The following TOX variants were observed in gnomAD, a reference collection of about 807,000 sequenced individuals.
The protein encoded by TOX is thymocyte selection associated high mobility group box.
Under a neutral mutation model 53.7 loss-of-function variants are expected in TOX, and 11 were observed. That is an observed-to-expected ratio of 0.20 (90% CI 0.13 to 0.34). The LOEUF is 0.34. Among genes scored for constraint, TOX ranks in the 10% least tolerant of loss-of-function variants. The pLI, the probability that TOX is intolerant of heterozygous loss-of-function variation, is 1.00. For missense variants in TOX, 570 were observed against 664.6 expected, an observed-to-expected ratio of 0.86 and a Z score of 1.56; for synonymous variants, 225 against 245.3, an observed-to-expected ratio of 0.92 and a Z score of 0.77.
At chr8:58,980,502 G>A (rs926306640) in intron 1 of TOX, among the ~76,000 whole-genome samples, 3 of 152,040 alleles carry the variant, frequency 2.0e-5, no homozygotes, top group African/African-American at 4.8e-5. Flanking sequence ...TTAAAATCAA[G>A]TACAAACTAA....
At chr8:58,963,483 G>A (rs1812838310) in intron 1 of TOX, among the ~76,000 whole-genome samples, 1 of 152,038 alleles carries the variant, frequency 6.6e-6, no homozygotes, top group Non-Finnish European at 1.5e-5. Flanking sequence ...GTATTTCTGG[G>A]GAGCCTACAA....
chr8:58,851,556 C>T lies in TOX; in HGVS notation c.661G>A (p.Val221Met). Residue 221 changes from valine to methionine, a missense_variant, in exon 4 of 9, where the codon GTG becomes ATG. Val to Met is a conservative substitution (Grantham distance 21). This residue lies in a region of TOX where 282 missense variants were observed against 315.0 expected (regional missense o/e 0.90). Transcript: ENST00000361421. This position sits in a 1 kb window ranked among gnomAD's most constrained non-coding sequence, Gnocchi z 4.4. ...KSATPSPSSS[V>M]HEDEGDDTSK... ...GTATCATCGCCTTCATCTTCATGCA[C>T]TGAACTGGATGGTGAAGGAGTTGCA... The T allele has an allele frequency of 6.2e-7, 1 of 1,613,308 alleles. No homozygotes were observed. Among genetic ancestry groups the T allele is most frequent in the South Asian group, 1.1e-5 (1 of 91,062 alleles).
At chr8:58,927,365 A>C (rs1812181102) in intron 3 of TOX, among the ~76,000 whole-genome samples, 1 of 152,088 alleles carries the variant, frequency 6.6e-6, no homozygotes, top group Non-Finnish European at 1.5e-5. Flanking sequence ...TTCCAATGCA[A>C]ATTTACCAAG....
chr8:58,854,027 C>T (rs1170752886), intron 3 of TOX, among the ~76,000 whole-genome samples: 1 of 152,176 alleles, frequency 6.6e-6, no homozygotes, highest in Admixed American at 6.6e-5. Flanking sequence ...TAATGGCTAC[C>T]TGTAAGTGGA....
chr8:59,001,319 T>C (rs1248577351), intron 1 of TOX, among the ~76,000 whole-genome samples: 2 of 152,204 alleles, frequency 1.3e-5, no homozygotes, highest in Non-Finnish European at 1.5e-5. Context: ...TTTCTCCCAA[T>C]AATTTTGCTG....
At chr8:58,829,888 A>G (rs1810424352) in intron 5 of TOX, among the ~76,000 whole-genome samples, 1 of 152,182 alleles carries the variant, frequency 6.6e-6, no homozygotes, top group East Asian at 1.9e-4. Flanking sequence ...CAAAGCCTCT[A>G]ATGATAGATA....
intron 5 of TOX, among the ~76,000 whole-genome samples, chr8:58,827,689 C>T (rs1215972736): frequency 6.6e-6 from 1 of 152,158 alleles, no homozygotes; most frequent in Non-Finnish European, 1.5e-5. Flanking sequence ...AAAGCAAAAT[C>T]ATCCTAAATT....
intron 1 of TOX, among the ~76,000 whole-genome samples, chr8:58,962,835 C>A (rs1812824897): frequency 1.3e-5 from 2 of 152,244 alleles, no homozygotes; most frequent in Admixed American, 1.3e-4. Flanking sequence ...TGGCAGAAAA[C>A]TGAGAGAGGG....
intron 1 of TOX, among the ~76,000 whole-genome samples, chr8:58,978,623 A>G (rs141619722): frequency 7.2e-5 from 11 of 152,324 alleles, no homozygotes; most frequent in Admixed American, 3.3e-4. Flanking sequence ...ACACAGCAAA[A>G]CTGAGCAAAA....
At chr8:59,102,310 C>A (rs536869803) in intron 1 of TOX, among the ~76,000 whole-genome samples, 1 of 152,138 alleles carries the variant, frequency 6.6e-6, no homozygotes, top group Non-Finnish European at 1.5e-5. Flanking sequence ...TCACTGCAAC[C>A]TCTACCTCCT....
chr8:58,979,377 C>A (rs1004470899), intron 1 of TOX, among the ~76,000 whole-genome samples: 3 of 152,188 alleles, frequency 2.0e-5, no homozygotes, highest in Non-Finnish European at 4.4e-5. Context: ...GGAGAGTAGA[C>A]ACTTGGCAAT....
chr8:59,101,521 T>C (rs1420230632), intron 1 of TOX, among the ~76,000 whole-genome samples: 1 of 152,212 alleles, frequency 6.6e-6, no homozygotes, highest in Non-Finnish European at 1.5e-5. Context: ...TAAATGTACA[T>C]AAACTGCAGA....
intron 1 of TOX, among the ~76,000 whole-genome samples, chr8:59,104,131 G>A (rs141742023): frequency 6.6e-6 from 1 of 152,246 alleles, no homozygotes; most frequent in Admixed American, 6.5e-5. Flanking sequence ...AGTCCTCTCT[G>A]GCACATTGTT....
rs144226655 is a variant in TOX at position 58,966,281 on chromosome 8, T to A, written c.103-6273A>T. 2.4e-4 allele frequency among the ~76,000 whole-genome samples: 36 copies of A among 152,184 alleles called. No homozygotes were observed. In the East Asian group the frequency reaches 7.0e-3, roughly 29 times the overall value. ...AGCACAGCACAACTGCAGAAGTGGA[T>A]CACACTGAAAGGAAAGAGACCAGAC... On this transcript the variant is annotated intron_variant, in intron 1 of 8. Transcript: ENST00000361421.
intron 1 of TOX, among the ~76,000 whole-genome samples, chr8:59,040,325 TCTCAAAA>T (rs1184576648): frequency 2.9e-4 from 20 of 67,926 alleles, no homozygotes; most frequent in African/African-American, 1.0e-3. Flanking sequence ...CGAGACTCCG[TCTCAAAA>T]AAAAAAAAAA....
intron 1 of TOX, among the ~76,000 whole-genome samples, chr8:59,077,979 G>A (rs1168214101): frequency 6.6e-6 from 1 of 152,036 alleles, no homozygotes; most frequent in African/African-American, 2.4e-5. Flanking sequence ...CTGTTCACAG[G>A]GAGAAGATGA....
chr8:59,005,493 ATACATAAAGAGGGATTT>A (rs968755521), intron 1 of TOX, among the ~76,000 whole-genome samples: 31 of 152,324 alleles, frequency 2.0e-4, no homozygotes, highest in Admixed American at 1.8e-3. Flanking sequence ...GGGATTCTAT[ATACATAAAGAGGGATTT>A]TACTTATCAC....
rs754811228 is a variant in TOX at position 59,117,338 on chromosome 8, C to A, written c.102+1548G>T. Among the ~76,000 whole-genome samples, 35 of 152,258 alleles carry A rather than the reference C, an allele frequency of 2.3e-4. No individual in the cohort carries two copies. Among genetic ancestry groups the A allele is most frequent in the Admixed American group, 7.9e-4 (12 of 15,286 alleles). ...AAACTTCATCACACAAACTCCTATGCGCTTGCCAAAGTTCCCCGTACCTTT... is the reference window on the plus strand; with the variant it reads ...AAACTTCATCACACAAACTCCTATGAGCTTGCCAAAGTTCCCCGTACCTTT... On this transcript the variant is annotated intron_variant, in intron 1 of 8. Transcript: ENST00000361421. This position sits in a 1 kb window ranked among gnomAD's most constrained non-coding sequence, Gnocchi z 4.6.
At chr8:58,953,543 A>G (rs745492168) in intron 2 of TOX, among the ~76,000 whole-genome samples, 1 of 152,208 alleles carries the variant, frequency 6.6e-6, no homozygotes, top group Non-Finnish European at 1.5e-5. Flanking sequence ...CTCAGCTTGT[A>G]TGCAAGGCAA....
Sources: allele counts gnomAD v4.1 joint callset (sites outside exome capture counted in the v4.1 genomes callset), GRCh38; gene constraint gnomAD v4.1.1; regional missense constraint gnomAD v4.1.1; non-coding constraint Gnocchi (gnomAD v3.1); transcripts MANE v1.5; gene names NCBI Gene and HGNC (gene_info 2026-07-23, HGNC 2026-07-21).